Variants in DNAAF10 observed in about 807,000 individuals in gnomAD.
The protein encoded by DNAAF10 is dynein axonemal assembly factor 10.
A neutral mutation model predicts 43.7 loss-of-function variants in DNAAF10; 28 were observed. That is an observed-to-expected ratio of 0.64 (90% CI 0.48 to 0.88). The LOEUF (loss-of-function observed/expected upper bound fraction) is 0.88, where lower values mean the gene tolerates loss of function less well. Ranked by LOEUF, DNAAF10 falls within the 40% of genes least tolerant of loss-of-function variation. The pLI is 0.00. For synonymous variants in DNAAF10, 156 were observed against 157.3 expected, an observed-to-expected ratio of 0.99 and a Z score of 0.06; for missense variants, 403 against 439.1, an observed-to-expected ratio of 0.92 and a Z score of 0.73.
chr2:68,156,776 C>T (rs1217141900), intron 1 of DNAAF10, among the ~76,000 whole-genome samples: 1 of 152,222 alleles, frequency 6.6e-6, no homozygotes, highest in African/African-American at 2.4e-5. Flanking sequence ...TTTCATTCAT[C>T]CCAAATCTGT....
At chr2:68,155,351 G>A (rs1673569088) in intron 1 of DNAAF10, among the ~76,000 whole-genome samples, 1 of 151,672 alleles carries the variant, frequency 6.6e-6, no homozygotes, top group Admixed American at 6.6e-5. Context: ...AAAATTAGTT[G>A]GGCGTGGTAG....
At chr2:68,142,721 T>C (rs1417879406) in intron 3 of DNAAF10, among the ~76,000 whole-genome samples, 3 of 149,414 alleles carry the variant, frequency 2.0e-5, no homozygotes, top group African/African-American at 7.4e-5. Flanking sequence ...CTACAAAAAA[T>C]GCAAATGCAT....
At position 68,154,446 on chromosome 2, in the gene DNAAF10, C is replaced by T. The variant is rs191887473; in HGVS notation, c.183+2815G>A. Among the ~76,000 whole-genome samples, 339 of 151,892 alleles carry T rather than the reference C, an allele frequency of 2.2e-3. 3 individuals are homozygous for T. Among genetic ancestry groups the T allele is most frequent in the African/African-American group, 8.0e-3 (331 of 41,410 alleles). Reference sequence around the variant, plus strand: ...TATTTTTAGTAGAGACGGGGTTTCACCGTGTTAGCCAGGATGATCTCGATC... The same window carrying T: ...TATTTTTAGTAGAGACGGGGTTTCATCGTGTTAGCCAGGATGATCTCGATC... On this transcript the variant is annotated intron_variant, in intron 1 of 7. Transcript: ENST00000295121.
At chr2:68,134,625 G>A in intron 7 of DNAAF10, 77 bp downstream of exon 7, 2 of 1,567,218 alleles carry the variant, frequency 1.3e-6, no homozygotes, top group East Asian at 2.3e-5. Context: ...GGAAAAAAAA[G>A]AAAAAAAAGT....
rs544731843 is a variant in DNAAF10, at chr2:68,152,314, G to A, written c.184-4747C>T. ...TAAACTCAAACTGTATATCTTCAACGTATTAAACGTATTATGAACATATTA... is the reference window on the plus strand; with the variant it reads ...TAAACTCAAACTGTATATCTTCAACATATTAAACGTATTATGAACATATTA... On this transcript the variant is annotated intron_variant, in intron 1 of 7. Transcript: ENST00000295121. 1.8e-3 allele frequency among the ~76,000 whole-genome samples: 274 copies of A among 152,266 alleles called. 3 individuals carry two copies. Among genetic ancestry groups the A allele is most frequent in the South Asian group, 9.5e-3 (46 of 4,830 alleles).
chr2:68,140,609 C>T (rs1003623317), intron 4 of DNAAF10, among the ~76,000 whole-genome samples: 2 of 152,178 alleles, frequency 1.3e-5, no homozygotes, highest in Admixed American at 6.5e-5. Context: ...CCACTCATCA[C>T]TCCCGCTAAA....
intron 7 of DNAAF10, chr2:68,134,485 T>C: frequency 7.4e-7 from 1 of 1,348,852 alleles, no homozygotes; most frequent in Non-Finnish European, 9.5e-7. Context: ...AATGATATAC[T>C]AAAATGTATC....
intron 4 of DNAAF10, among the ~76,000 whole-genome samples, chr2:68,140,731 C>A (rs7581776): frequency 0.041 from 6,252 of 152,260 alleles, 369 homozygotes; most frequent in African/African-American, 0.13. Context: ...TTGTCCTGAG[C>A]CATCTCTAAG....
At chr2:68,143,676 A>G (rs1416398759) in intron 3 of DNAAF10, among the ~76,000 whole-genome samples, 1 of 152,204 alleles carries the variant, frequency 6.6e-6, no homozygotes, top group Middle Eastern at 3.2e-3. Flanking sequence ...AACTGTGGAA[A>G]CAGCAACATT....
At chr2:68,153,809 T>C (rs1673517113) in intron 1 of DNAAF10, among the ~76,000 whole-genome samples, 1 of 136,294 alleles carries the variant, frequency 7.3e-6, no homozygotes, top group South Asian at 2.5e-4. Flanking sequence ...TGGAGTGCAA[T>C]GGCGCGATCT....
intron 4 of DNAAF10, among the ~76,000 whole-genome samples, chr2:68,140,777 C>G (rs1230204434): frequency 6.6e-6 from 1 of 152,164 alleles, no homozygotes; most frequent in Non-Finnish European, 1.5e-5. Flanking sequence ...ACCGTTGGCC[C>G]TCCCTATCCA....
At chr2:68,143,871 T>C (rs1320337381) in intron 3 of DNAAF10, among the ~76,000 whole-genome samples, 2 of 152,186 alleles carry the variant, frequency 1.3e-5, no homozygotes, top group African/African-American at 4.8e-5. Flanking sequence ...TTAAAAAAAA[T>C]AAGTGATTTC....
At chr2:68,154,370 C>G (rs1235108933) in intron 1 of DNAAF10, among the ~76,000 whole-genome samples, 1 of 152,150 alleles carries the variant, frequency 6.6e-6, no homozygotes, top group Non-Finnish European at 1.5e-5. Flanking sequence ...CCTCAGCCTC[C>G]TGAGTAGCTG....
At chr2:68,144,779 CAA>C in intron 2 of DNAAF10, 64 bp from the exon 3 acceptor site, 3 of 1,530,812 alleles carry the variant, frequency 2.0e-6, no homozygotes, top group Non-Finnish European at 2.6e-6. Context: ...TACTGAAATT[CAA>C]AAAGATATAT....
intron 2 of DNAAF10, among the ~76,000 whole-genome samples, chr2:68,145,532 G>A (rs1055158687): frequency 6.6e-6 from 1 of 152,116 alleles, no homozygotes. Context: ...CCTTTTTAAA[G>A]GATAAAATAT....
At chr2:68,147,644 G>T in intron 1 of DNAAF10, 77 bp from the exon 2 acceptor site, 2 of 1,011,554 alleles carry the variant, frequency 2.0e-6, no homozygotes, top group Non-Finnish European at 2.8e-6. Context: ...CATATTTATG[G>T]CTCTATTATG....
At chr2:68,154,795 A>G (rs1673549937) in intron 1 of DNAAF10, among the ~76,000 whole-genome samples, 1 of 152,098 alleles carries the variant, frequency 6.6e-6, no homozygotes, top group Non-Finnish European at 1.5e-5. Flanking sequence ...TTTTTGAGAC[A>G]GGGTCTCTCT....
At chr2:68,156,880 G>A (rs961923698) in intron 1 of DNAAF10, 1 of 254,320 alleles carries the variant, frequency 3.9e-6, no homozygotes, top group Admixed American at 5.0e-5. Context: ...ATTGAACTGA[G>A]TATCTCTCCC....
chr2:68,131,253 C>G lies in DNAAF10; in HGVS notation c.1059G>C (p.Lys353Asn), dbSNP rs1445004340. 1.9e-6 allele frequency: 3 copies of G among 1,613,878 alleles called. No homozygotes were observed. Among genetic ancestry groups the G allele is most frequent in the African/African-American group, 1.3e-5 (1 of 74,868 alleles). Reference sequence around the variant, plus strand: ...AGTCTTGAAGTCAAATTTTATTGAGCTTTGTAACGATCAGTACTCTCACCG... The same window carrying G: ...AGTCTTGAAGTCAAATTTTATTGAGGTTTGTAACGATCAGTACTCTCACCG... ...DQTVRVLIVTKLNKI is the reference protein window; with the variant it reads ...DQTVRVLIVTNLNKI The change falls in exon 8 of 8, where the codon AAG becomes AAC. Residue 353 changes from lysine (K) to asparagine (N), a missense_variant. Transcript: ENST00000295121.
Sources: allele counts gnomAD v4.1 joint callset (sites outside exome capture counted in the v4.1 genomes callset), GRCh38; gene constraint gnomAD v4.1.1; transcripts MANE v1.5; gene names NCBI Gene and HGNC (gene_info 2026-07-23, HGNC 2026-07-21).